Variants in PAM observed in about 807,000 individuals in gnomAD.
The protein encoded by PAM is peptidylglycine alpha-amidating monooxygenase.
PAM carries 72 observed loss-of-function variants against 122.1 expected under a neutral mutation model. That is an observed-to-expected ratio of 0.59 (90% CI 0.49 to 0.72). The LOEUF (loss-of-function observed/expected upper bound fraction) is 0.72. Ranked by LOEUF, PAM falls within the 30% of genes least tolerant of loss-of-function variation. The probability of loss-of-function intolerance (pLI) is 0.00; values close to 1 mark genes in which losing one functional copy is unlikely to be tolerated. For missense variants in PAM, 1,106 were observed against 1,183.7 expected (o/e 0.93, Z 0.96); for synonymous variants, 389 against 404.4 (o/e 0.96, Z 0.46).
intron 7 of PAM, among the ~76,000 whole-genome samples, chr5:102,927,831 T>C (rs908059476): frequency 1.3e-5 from 2 of 151,322 alleles, no homozygotes; most frequent in African/African-American, 2.4e-5. Flanking sequence ...AAATAAAATT[T>C]ATTTTTAGAT....
chr5:102,844,213 C>T (rs1222649268), intron 1 of PAM, among the ~76,000 whole-genome samples: 4 of 152,138 alleles, frequency 2.6e-5, no homozygotes, highest in South Asian at 4.1e-4. Context: ...AGATTACGCA[C>T]TATATGATTC....
intron 1 of PAM, among the ~76,000 whole-genome samples, chr5:102,788,828 G>T (rs76363460): frequency 0.027 from 4,183 of 152,214 alleles, 113 homozygotes; most frequent in East Asian, 0.14. Flanking sequence ...TAACAAAGTT[G>T]TGAGTGTTGT....
At chr5:102,965,265 T>G (rs1334358944) in intron 14 of PAM, among the ~76,000 whole-genome samples, 1 of 151,762 alleles carries the variant, frequency 6.6e-6, no homozygotes, top group Non-Finnish European at 1.5e-5. Flanking sequence ...TTATTTCTTA[T>G]GCATTATAAT....
chr5:102,778,721 G>A (rs1757822322), intron 1 of PAM, among the ~76,000 whole-genome samples: 1 of 152,112 alleles, frequency 6.6e-6, no homozygotes, highest in Admixed American at 6.6e-5. Context: ...TTTTTACATG[G>A]AAGATTGCAT....
At chr5:102,947,650 C>T (rs1204438728) in intron 8 of PAM, among the ~76,000 whole-genome samples, 1 of 152,032 alleles carries the variant, frequency 6.6e-6, no homozygotes, top group Non-Finnish European at 1.5e-5. Flanking sequence ...CCAAATACCA[C>T]CTGTTCCCCA....
chr5:102,789,447 C>G (rs1761470259), intron 1 of PAM, among the ~76,000 whole-genome samples: 1 of 152,060 alleles, frequency 6.6e-6, no homozygotes, highest in Non-Finnish European at 1.5e-5. Flanking sequence ...GATGTAATAT[C>G]ATTCAGCATT....
intron 1 of PAM, among the ~76,000 whole-genome samples, chr5:102,808,969 T>C (rs1767038302): frequency 6.6e-6 from 1 of 152,210 alleles, no homozygotes; most frequent in African/African-American, 2.4e-5. Context: ...AGAAAGAATA[T>C]AGTAGAACCA....
At chr5:102,942,868 G>A (rs558071817) in intron 7 of PAM, among the ~76,000 whole-genome samples, 1 of 151,802 alleles carries the variant, frequency 6.6e-6, no homozygotes, top group Non-Finnish European at 1.5e-5. Context: ...ATTATGCCCA[G>A]CCTAATTTTT....
chr5:102,873,636 A>T (rs1478381661), intron 3 of PAM: 5 of 152,248 alleles, frequency 3.3e-5, no homozygotes, highest in Non-Finnish European at 7.3e-5. Flanking sequence ...AGTCAAATAC[A>T]TTTGATTGGG....
chr5:102,940,028 T>G (rs1227846066), intron 7 of PAM, among the ~76,000 whole-genome samples: 1 of 151,244 alleles, frequency 6.6e-6, no homozygotes, highest in Non-Finnish European at 1.5e-5. Flanking sequence ...GAGGTTTAAG[T>G]AAAACAAAAG....
Position 103,006,975 on chromosome 5 carries a change from T to G in PAM, c.1978T>G (p.Ser660Ala). The G allele has an allele frequency of 6.2e-7, 1 of 1,613,860 alleles. No individual in the cohort carries two copies. Among genetic ancestry groups the G allele is most frequent in the African/African-American group, 1.3e-5 (1 of 75,024 alleles). The change falls in exon 19 of 26, where the codon TCA becomes GCA. Residue 660 changes from serine (S) to alanine (A), a missense_variant. By Grantham distance (99) the Ser-to-Ala change is moderately conservative. Coordinates refer to ENST00000438793, the MANE Select transcript of PAM (RefSeq NM_001177306.2). Reference protein sequence around the residue: ...GYCNSRIVQFSPSGKFITQWG... With the variant: ...GYCNSRIVQFAPSGKFITQWG... ...CTGCAACAGCAGGATTGTGCAGTTT[T>G]CACCAAGTGGAAAGTTCATCACACA...
chr5:102,758,272 A>G (rs1002214531), intron 1 of PAM, among the ~76,000 whole-genome samples: 1 of 151,878 alleles, frequency 6.6e-6, no homozygotes, highest in African/African-American at 2.4e-5. Flanking sequence ...ATTAGGCTTT[A>G]CATACTGGGC....
At chr5:102,881,155 C>CACAG (rs1046039847) in intron 3 of PAM, among the ~76,000 whole-genome samples, 10 of 151,222 alleles carry the variant, frequency 6.6e-5, no homozygotes, top group South Asian at 2.1e-4. Flanking sequence ...CACACACACA[C>CACAG]AGAGACTTCT....
intron 3 of PAM, among the ~76,000 whole-genome samples, chr5:102,884,548 C>A (rs1177829071): frequency 6.6e-6 from 1 of 151,886 alleles, no homozygotes; most frequent in African/African-American, 2.4e-5. Flanking sequence ...ATATCTTTTC[C>A]ACATTAGCAA....
At chr5:102,964,542 A>C (rs1483967021) in intron 14 of PAM, among the ~76,000 whole-genome samples, 1 of 151,936 alleles carries the variant, frequency 6.6e-6, no homozygotes, top group Non-Finnish European at 1.5e-5. Context: ...ATGAGGCTTT[A>C]ATTGAGTCTG....
intron 3 of PAM, among the ~76,000 whole-genome samples, chr5:102,872,434 G>A (rs764044076): frequency 9.9e-5 from 15 of 152,280 alleles, no homozygotes; most frequent in Non-Finnish European, 1.8e-4. Context: ...TCTTCCCACT[G>A]TGTTTCACTT....
At chr5:102,992,050 A>G (rs532615233) in intron 16 of PAM, among the ~76,000 whole-genome samples, 1 of 152,268 alleles carries the variant, frequency 6.6e-6, no homozygotes, top group South Asian at 2.1e-4. Context: ...GTTTAATAGA[A>G]AAAGGGATCT....
chr5:102,842,117 T>A (rs1004705126), intron 1 of PAM, among the ~76,000 whole-genome samples: 1 of 150,870 alleles, frequency 6.6e-6, no homozygotes, highest in Non-Finnish European at 1.5e-5. Flanking sequence ...AGTCCTAAAC[T>A]CCAGATGAGA....
At chr5:102,965,510 C>A (rs1480315296) in intron 14 of PAM, among the ~76,000 whole-genome samples, 1 of 151,846 alleles carries the variant, frequency 6.6e-6, no homozygotes, top group Non-Finnish European at 1.5e-5. Context: ...TCTTAAATTC[C>A]AGGCAGAATT....
Sources: allele counts gnomAD v4.1 joint callset (sites outside exome capture counted in the v4.1 genomes callset), GRCh38; gene constraint gnomAD v4.1.1; transcripts MANE v1.5; gene names NCBI Gene and HGNC (gene_info 2026-07-23, HGNC 2026-07-21).